The following AKR1B15 variants were observed in gnomAD, a reference collection of about 807,000 sequenced individuals.
The protein encoded by AKR1B15 is estradiol 17-beta-dehydrogenase AKR1B15.
Under a neutral mutation model 38.5 loss-of-function variants are expected in AKR1B15, and 49 were observed. The observed-to-expected ratio is 1.27, with a 90% CI of 1.01 to 1.62. AKR1B15 has a LOEUF of 1.62. Among genes scored for constraint, AKR1B15 ranks in the 40% most tolerant of loss-of-function variants. The pLI, the probability that AKR1B15 is intolerant of heterozygous loss-of-function variation, is 0.00. For synonymous variants in AKR1B15, 137 were observed against 135.5 expected (o/e 1.01, Z -0.08); for missense variants, 411 against 381.6 (o/e 1.08, Z -0.64).
At chr7:134,565,343 C>A in intron 3 of AKR1B15, 1 of 1,368,700 alleles carries the variant, frequency 7.3e-7, no homozygotes, top group Non-Finnish European at 1.0e-6. Flanking sequence ...TCTTTAACAG[C>A]TGTAACACAC....
chr7:134,561,144 T>C (rs1048998032), intron 2 of AKR1B15, among the ~76,000 whole-genome samples: 1 of 152,192 alleles, frequency 6.6e-6, no homozygotes, highest in Non-Finnish European at 1.5e-5. Context: ...CAGTATACAC[T>C]GGGAAAATAA....
intron 2 of AKR1B15, among the ~76,000 whole-genome samples, chr7:134,559,083 C>T (rs1454542820): frequency 6.6e-6 from 1 of 152,106 alleles, no homozygotes; most frequent in Non-Finnish European, 1.5e-5. Flanking sequence ...CAAATTAACT[C>T]TAAAAAGAGC....
rs568783823 is a variant in AKR1B15 at position 134,554,711 on chromosome 7, C to T, written c.-146-2025C>T. Reference sequence around the variant, plus strand: ...GGCAGGGTATAAATACCTCCTGGTGCTAGTAGACACCTTTTCTGGATGGAC... The same window carrying T: ...GGCAGGGTATAAATACCTCCTGGTGTTAGTAGACACCTTTTCTGGATGGAC... On this transcript the variant is annotated intron_variant, in intron 1 of 11. Transcript: ENST00000457545. 1.2e-4 allele frequency among the ~76,000 whole-genome samples: 18 copies of T among 152,286 alleles called. No individual in the cohort carries two copies. In the South Asian group the frequency reaches 2.7e-3, roughly 23 times the overall value.
At chr7:134,570,403 CTG>C (rs1401539830) in intron 5 of AKR1B15, 1 of 152,168 alleles carries the variant, frequency 6.6e-6, no homozygotes, top group Non-Finnish European at 1.5e-5. Flanking sequence ...TAGGTCATCT[CTG>C]TGATCCACAC....
intron 6 of AKR1B15, among the ~76,000 whole-genome samples, chr7:134,572,353 C>T (rs765279893): frequency 3.9e-5 from 6 of 152,090 alleles, no homozygotes; most frequent in Non-Finnish European, 7.4e-5. Flanking sequence ...AACACACATC[C>T]GGAAATCAGG....
At position 134,568,150 on chromosome 7, in the gene AKR1B15, C is replaced by T; in HGVS notation, c.151-8C>T. 6.2e-7 allele frequency: 1 copy of T among 1,613,766 alleles called. No individual in the cohort carries two copies. ...ACATGTGTGATGGGCTTTTCTTTTG[C>T]TTTTCAGTCTCTTCTCGGCAAAGTG... On this transcript the variant is annotated splice_region_variant and splice_polypyrimidine_tract_variant and intron_variant, in intron 3 of 11. Transcript: ENST00000457545.
At chr7:134,562,844 T>TTCTTTCTTTCTTTCTTTCTTTCTA (rs1794440696) in intron 2 of AKR1B15, among the ~76,000 whole-genome samples, 1 of 75,330 alleles carries the variant, frequency 1.3e-5, no homozygotes, top group Non-Finnish European at 2.8e-5. Context: ...CTTTCTTTCT[T>TTCTTTCTTTCTTTCTTTCTTTCTA]TCTTTCTTTC....
intron 3 of AKR1B15, 88 bp downstream of exon 3, chr7:134,564,857 G>C: frequency 1.9e-6 from 1 of 527,266 alleles, no homozygotes; most frequent in Non-Finnish European, 3.4e-6. Flanking sequence ...AAGCCAGCTG[G>C]ACTTCCTGGG....
At chr7:134,559,888 TC>T (rs994610335) in intron 2 of AKR1B15, among the ~76,000 whole-genome samples, 27 of 152,248 alleles carry the variant, frequency 1.8e-4, no homozygotes, top group Admixed American at 1.7e-3. Flanking sequence ...GGCAGGCAGA[TC>T]CCAAGGTCAG....
chr7:134,577,518 A>T (rs1254202365), intron 10 of AKR1B15, among the ~76,000 whole-genome samples, 186 bp from the exon 11 acceptor site: 1 of 152,194 alleles, frequency 6.6e-6, no homozygotes, highest in Non-Finnish European at 1.5e-5. Flanking sequence ...AGCACTACAA[A>T]TACTGTGGTC....
At chr7:134,570,807 G>A (rs1481118889) in intron 5 of AKR1B15, among the ~76,000 whole-genome samples, 4 of 152,242 alleles carry the variant, frequency 2.6e-5, no homozygotes, top group Middle Eastern at 3.4e-3. Flanking sequence ...GGCCATGTGC[G>A]CTGCTGAGGT....
At chr7:134,564,815 G>C in intron 3 of AKR1B15, 46 bp downstream of exon 3, 1 of 598,214 alleles carries the variant, frequency 1.7e-6, no homozygotes, top group Non-Finnish European at 3.0e-6. Context: ...CAGCAGTTGT[G>C]GTGTCCTGTT....
At chr7:134,574,926 T>C (rs6467537) in intron 6 of AKR1B15, among the ~76,000 whole-genome samples, 2,446 of 152,288 alleles carry the variant, frequency 0.016, 66 homozygotes, top group African/African-American at 0.056. Context: ...AGACAGTGAC[T>C]CAGGACCCAC....
At chr7:134,562,893 T>C (rs1447095130) in intron 2 of AKR1B15, among the ~76,000 whole-genome samples, 19 of 139,820 alleles carry the variant, frequency 1.4e-4, no homozygotes, top group African/African-American at 5.7e-4. Flanking sequence ...TTTCTTTCCT[T>C]CTTTCTTCCT....
intron 6 of AKR1B15, among the ~76,000 whole-genome samples, chr7:134,571,970 G>A (rs978044495): frequency 5.3e-5 from 8 of 152,182 alleles, no homozygotes; most frequent in African/African-American, 1.9e-4. Flanking sequence ...GGAACAGAGG[G>A]TTTGGGCCTG....
chr7:134,564,719 C>G lies in AKR1B15; in HGVS notation c.100C>G (p.Leu34Val), dbSNP rs1254372240. ...CCCTTTGACTGGCCTAAAGAGTTCC[C>G]TTCTGAAGGACACTACAAGTGCAGG... Reference protein sequence around the residue: ...VGPLTGLKSSLLKDTTSAGPL... With the variant: ...VGPLTGLKSSVLKDTTSAGPL... Residue 34 changes from leucine to valine, a missense_variant, in exon 3 of 12, where the codon CTT becomes GTT. Coordinates refer to ENST00000457545, the MANE Select transcript of AKR1B15 (RefSeq NM_001080538.3). 16 of 696,938 alleles carry G rather than the reference C, an allele frequency of 2.3e-5. No homozygotes were observed. In the East Asian group the frequency reaches 4.3e-4, roughly 19 times the overall value. 43.2% of individuals were successfully genotyped at this position (696,938 alleles called of 1,614,324 possible). A position where few individuals can be genotyped will look rare whatever the true frequency, so the allele number is the denominator to read the frequency against.
rs562917524 is a variant in AKR1B15, at chr7:134,571,527, A to G, written c.436-77A>G. 1.1e-4 allele frequency: 123 copies of G among 1,094,910 alleles called. 1 individual carries two copies. In the South Asian group the frequency reaches 1.4e-3, roughly 12 times the overall value. 67.8% of individuals were successfully genotyped at this position (1,094,910 alleles called of 1,614,324 possible). ...GCAGATGTGGTATTTAGCAAGCATC[A>G]GGATCCTGAAACCTTGTTGAACAGA... On this transcript the variant is annotated intron_variant, in intron 5 of 11. Coordinates refer to ENST00000457545, the MANE Select transcript of AKR1B15 (RefSeq NM_001080538.3).
At chr7:134,549,448 T>C (rs1793889870) in intron 1 of AKR1B15, among the ~76,000 whole-genome samples, 199 bp downstream of exon 1, 1 of 152,116 alleles carries the variant, frequency 6.6e-6, no homozygotes, top group South Asian at 2.1e-4. Context: ...TGTTTTAGAA[T>C]GGGTATAAAA....
At chr7:134,557,880 C>A (rs1055918867) in intron 2 of AKR1B15, among the ~76,000 whole-genome samples, 2 of 152,198 alleles carry the variant, frequency 1.3e-5, no homozygotes, top group Non-Finnish European at 2.9e-5. Context: ...CTCTCTATAA[C>A]TCAGTCGGTT....
Sources: allele counts gnomAD v4.1 joint callset (sites outside exome capture counted in the v4.1 genomes callset), GRCh38; gene constraint gnomAD v4.1.1; transcripts MANE v1.5; gene names NCBI Gene and HGNC (gene_info 2026-07-23, HGNC 2026-07-21).